The following IL7 variants were observed in gnomAD, a reference collection of about 807,000 sequenced individuals.
IL7 encodes the protein interleukin-7.
In IL7, 3 loss-of-function variants were observed where a neutral mutation model predicts 21.6. The ratio of observed to expected loss-of-function variants is 0.14; its 90% confidence interval spans 0.06 to 0.36. The LOEUF (loss-of-function observed/expected upper bound fraction) is 0.36, where lower values mean the gene tolerates loss of function less well. IL7 is among the 10% of genes least tolerant of loss of function. The pLI is 1.00. For synonymous variants in IL7, 62 were observed against 68.1 expected, an observed-to-expected ratio of 0.91 and a Z score of 0.44; for missense variants, 175 against 200.2, an observed-to-expected ratio of 0.87 and a Z score of 0.76.
At chr8:78,792,493 A>G (rs1420501559) in intron 2 of IL7, among the ~76,000 whole-genome samples, 1 of 152,104 alleles carries the variant, frequency 6.6e-6, no homozygotes, top group African/African-American at 2.4e-5. Flanking sequence ...AAACAATACA[A>G]ATGATGGGAG....
chr8:78,678,758 G>A, intron 4 of IL7: 1 of 927,242 alleles, frequency 1.1e-6, no homozygotes, highest in South Asian at 2.3e-5. Context: ...GTTACAGTAA[G>A]GTTAAGAATA....
chr8:78,788,919 G>A (rs1813597742), intron 2 of IL7, among the ~76,000 whole-genome samples: 1 of 152,102 alleles, frequency 6.6e-6, no homozygotes, highest in Non-Finnish European at 1.5e-5. Context: ...TATGTACAGA[G>A]CAAGGATTCT....
At chr8:78,779,411 AT>A (rs1813242105) in intron 2 of IL7, among the ~76,000 whole-genome samples, 1 of 152,142 alleles carries the variant, frequency 6.6e-6, no homozygotes, top group African/African-American at 2.4e-5. Context: ...GGTATGTTCC[AT>A]CAATATCTAG....
chr8:78,736,166 C>T (rs1811588929), intron 5 of IL7, among the ~76,000 whole-genome samples: 1 of 150,218 alleles, frequency 6.7e-6, no homozygotes, highest in Admixed American at 6.6e-5. Flanking sequence ...TTTATTTTCT[C>T]CTATATAAAT....
intron 2 of IL7, among the ~76,000 whole-genome samples, chr8:78,774,310 T>C (rs116629109): frequency 1.8e-3 from 280 of 152,244 alleles, no homozygotes; most frequent in African/African-American, 6.3e-3. Context: ...GTACCTGGAA[T>C]TTTTTGACTT....
intron 5 of IL7, among the ~76,000 whole-genome samples, chr8:78,734,858 G>A (rs780532517): frequency 3.9e-5 from 6 of 151,986 alleles, no homozygotes; most frequent in Admixed American, 1.3e-4. Flanking sequence ...AAACTGATCC[G>A]CAAAGAAGAT....
intron 2 of IL7, among the ~76,000 whole-genome samples, chr8:78,796,134 A>G (rs1313121527): frequency 6.6e-6 from 1 of 152,068 alleles, no homozygotes; most frequent in Non-Finnish European, 1.5e-5. Context: ...CTTGGAAAAA[A>G]TTAACTCTTG....
chr8:78,712,123 C>A, intron 3 of IL7: 1 of 1,241,832 alleles, frequency 8.1e-7, no homozygotes. Flanking sequence ...ATTTGTAACT[C>A]AGTTTGGTTA....
chr8:78,782,843 C>A (rs1481137127), intron 2 of IL7, among the ~76,000 whole-genome samples: 2 of 152,078 alleles, frequency 1.3e-5, no homozygotes, highest in African/African-American at 4.8e-5. Context: ...AAGCTCCATC[C>A]CAGGGGTATC....
chr8:78,733,799 G>GT lies in IL7; in HGVS notation c.447dup (p.Leu150ThrfsTer3). The GT allele has an allele frequency of 6.3e-7, 1 of 1,581,408 alleles. No individual in the cohort carries two copies. The highest frequency in any genetic ancestry group is 8.6e-7 in the Non-Finnish European group (1 of 1,164,174). ...CTCTTTAGGAAACACAAGTCATTCA[G>GT]TTTTTTCTGTTCCTTTAAAGATTTA... On this transcript the variant is annotated frameshift_variant, in exon 6 of 6. Transcript: ENST00000263851. LOFTEE classifies it high-confidence loss of function.
intron 1 of IL7, among the ~76,000 whole-genome samples, chr8:78,799,910 AT>A (rs1465660658): frequency 1.3e-5 from 2 of 152,032 alleles, no homozygotes; most frequent in Non-Finnish European, 2.9e-5. Context: ...TATTTTGGCA[AT>A]TAAAAAAATG....
At chr8:78,704,733 C>T (rs551391882) in intron 3 of IL7, among the ~76,000 whole-genome samples, 14 of 152,192 alleles carry the variant, frequency 9.2e-5, no homozygotes, top group African/African-American at 2.6e-4. Context: ...TCAGATATAC[C>T]GGTCAGTCAT....
chr8:78,711,684 T>A (rs1810954921), intron 3 of IL7, among the ~76,000 whole-genome samples: 1 of 151,264 alleles, frequency 6.6e-6, no homozygotes, highest in African/African-American at 2.4e-5. Flanking sequence ...GCTTCATGAT[T>A]TTTTTTTTGA....
chr8:78,786,756 A>T (rs566569368), intron 2 of IL7, among the ~76,000 whole-genome samples: 138 of 152,210 alleles, frequency 9.1e-4, no homozygotes, highest in Non-Finnish European at 1.5e-3. Flanking sequence ...TGAAACCTCC[A>T]AAGGAATGTC....
At chr8:78,759,258 G>T (rs1812462837) in intron 2 of IL7, among the ~76,000 whole-genome samples, 3 of 145,636 alleles carry the variant, frequency 2.1e-5, no homozygotes, top group African/African-American at 2.6e-5. Context: ...ATTTTATTTA[G>T]ATTGAAATAA....
At chr8:78,761,141 C>T in intron 2 of IL7, 1 of 1,596,096 alleles carries the variant, frequency 6.3e-7, no homozygotes. Flanking sequence ...ATCATGCCTC[C>T]CTGTCCACTG....
intron 4 of IL7, among the ~76,000 whole-genome samples, chr8:78,682,235 C>G (rs1809810927): frequency 1.3e-5 from 2 of 152,134 alleles, no homozygotes; most frequent in Admixed American, 6.6e-5. Flanking sequence ...GAAGGTTAAA[C>G]TGTAACCAAT....
intron 3 of IL7, among the ~76,000 whole-genome samples, chr8:78,706,916 G>A (rs1810791421): frequency 6.6e-6 from 1 of 152,144 alleles, no homozygotes; most frequent in African/African-American, 2.4e-5. Flanking sequence ...TTTGAGTTAA[G>A]TGATTTTTCT....
Position 78,691,589 on chromosome 8 carries a change from C to A in IL7, n.215-5642G>T, listed in dbSNP as rs6980663. On this transcript the variant is annotated intron_variant and non_coding_transcript_variant, in intron 3 of 4. Transcript: ENST00000523959. ...TACATTTGGTGCAATTATTGATTTG[C>A]TTATGTTTAGGTCTGCCATCTGTTT... Among the ~76,000 whole-genome samples the A allele has an allele frequency of 2.6e-5, 4 of 151,992 alleles. No individual in the cohort carries two copies. In the East Asian group the frequency reaches 7.7e-4, roughly 29 times the overall value.
Sources: allele counts gnomAD v4.1 joint callset (sites outside exome capture counted in the v4.1 genomes callset), GRCh38; gene constraint gnomAD v4.1.1; transcripts MANE v1.5; gene names NCBI Gene and HGNC (gene_info 2026-07-23, HGNC 2026-07-21).